CCDC68: variants seen among roughly 807,000 people sequenced by gnomAD.
CCDC68 encodes coiled-coil domain containing 68, also known as coiled-coil domain-containing protein 68.
CCDC68 carries 45 observed loss-of-function variants against 47.1 expected under a neutral mutation model. The ratio of observed to expected loss-of-function variants is 0.96; its 90% CI spans 0.75 to 1.23. The LOEUF (loss-of-function observed/expected upper bound fraction) is 1.23. Among genes scored for constraint, CCDC68 ranks in the 50% most tolerant of loss-of-function variants. The probability of loss-of-function intolerance (pLI) is 0.00; values close to 1 mark genes in which losing one functional copy is unlikely to be tolerated. For synonymous variants in CCDC68, 131 were observed against 129.5 expected (o/e 1.01, Z -0.08); for missense variants, 353 against 373.6 (o/e 0.94, Z 0.45).
chr18:54,954,011 C>T (rs2044668459), intron 1 of CCDC68, among the ~76,000 whole-genome samples: 1 of 123,608 alleles, frequency 8.1e-6, no homozygotes, highest in Non-Finnish European at 1.7e-5. Context: ...CCCTCCCCTC[C>T]CCTCGCCTTC....
At chr18:54,913,532 T>C (rs1267163197) in intron 10 of CCDC68, among the ~76,000 whole-genome samples, 1 of 152,206 alleles carries the variant, frequency 6.6e-6, no homozygotes, top group Non-Finnish European at 1.5e-5. Flanking sequence ...CTGAGTGAAG[T>C]GGTTCACACT....
chr18:54,926,821 G>T (rs536419820), intron 8 of CCDC68, among the ~76,000 whole-genome samples: 1 of 152,176 alleles, frequency 6.6e-6, no homozygotes, highest in Non-Finnish European at 1.5e-5. Context: ...ATTTCTGAGA[G>T]ATTGAGCAAT....
In CCDC68 at chr18:54,904,433, CGAT is replaced by C; in HGVS notation, c.951-21_951-19del. 6.2e-7 allele frequency: 1 copy of C among 1,603,768 alleles called. No homozygotes were observed. The highest frequency in any genetic ancestry group is 8.5e-7 in the Non-Finnish European group (1 of 1,170,942). The stretch of plus-strand genomic sequence containing the variant: ...TCAATTCACTGTAGAAAAGACAACA[CGAT>C]GATCAAAATGGAGAATGTTAAACTC... On this transcript the variant is annotated intron_variant, in intron 11 of 11. Transcript: ENST00000591504.
intron 1 of CCDC68, among the ~76,000 whole-genome samples, chr18:54,947,334 G>C (rs778372429): frequency 4.6e-5 from 7 of 152,202 alleles, no homozygotes; most frequent in Non-Finnish European, 1.0e-4. Context: ...GGAGGCAGAG[G>C]GCTGCTGAAT....
At chr18:54,951,190 G>C (rs2044614604) in intron 1 of CCDC68, among the ~76,000 whole-genome samples, 1 of 151,688 alleles carries the variant, frequency 6.6e-6, no homozygotes. Context: ...TTACAGGCGT[G>C]AGCCACCGCG....
At chr18:54,918,070 T>C (rs1324802027) in intron 9 of CCDC68, 74 bp from the exon 10 acceptor site, 14 of 663,838 alleles carry the variant, frequency 2.1e-5, no homozygotes, top group East Asian at 5.8e-5. Context: ...AGAAATTGTA[T>C]GGATTTCTGA....
chr18:54,956,341 C>T (rs2044713316), intron 1 of CCDC68, among the ~76,000 whole-genome samples: 1 of 152,124 alleles, frequency 6.6e-6, no homozygotes, highest in Admixed American at 6.5e-5. Flanking sequence ...CAGAAAACAC[C>T]ACTGCTTAAT....
At chr18:54,954,646 G>C (rs1475861608) in intron 1 of CCDC68, 1 of 152,128 alleles carries the variant, frequency 6.6e-6, no homozygotes, top group Non-Finnish European at 1.5e-5. Flanking sequence ...CCTGATCCCT[G>C]GAGTATATGA....
chr18:54,924,118 C>G (rs530819854), intron 8 of CCDC68, among the ~76,000 whole-genome samples: 1 of 152,096 alleles, frequency 6.6e-6, no homozygotes, highest in Non-Finnish European at 1.5e-5. Context: ...TCCAATGTCT[C>G]AACATAATTT....
chr18:54,925,189 T>A (rs1002753007), intron 8 of CCDC68, among the ~76,000 whole-genome samples: 4 of 152,212 alleles, frequency 2.6e-5, no homozygotes, highest in African/African-American at 7.2e-5. Context: ...AGTGATCCCC[T>A]GTGAGCAAGT....
At position 54,932,101 on chromosome 18, in the gene CCDC68, T is replaced by C. The variant is rs540688881; in HGVS notation, c.600+2719A>G. On this transcript the variant is annotated intron_variant, in intron 7 of 11. Transcript: ENST00000591504. The stretch of plus-strand genomic sequence containing the variant: ...CACAGCCTGTCTTCTCAGTCTCTCT[T>C]TAAACCAAGAAGTTGCCAAACTTCA... 1.8e-3 allele frequency among the ~76,000 whole-genome samples: 276 copies of C among 152,310 alleles called. 1 individual carries two copies. Among genetic ancestry groups the C allele is most frequent in the Non-Finnish European group, 3.5e-3 (238 of 68,020 alleles).
chr18:54,942,917 C>T (rs1429027833), intron 2 of CCDC68, 114 bp from the exon 3 acceptor site: 2 of 656,654 alleles, frequency 3.0e-6, no homozygotes, highest in African/African-American at 3.8e-5. Context: ...AGCAGAAAAG[C>T]TATAAATCAT....
chr18:54,904,473 G>C (rs1913868142), intron 11 of CCDC68, 58 bp from the exon 12 acceptor site: 1 of 1,337,476 alleles, frequency 7.5e-7, no homozygotes, highest in African/African-American at 1.4e-5. Context: ...AGTGATTATG[G>C]CTAGACTACC....
chr18:54,930,355 T>G (rs1359189275), intron 7 of CCDC68, among the ~76,000 whole-genome samples: 1 of 152,178 alleles, frequency 6.6e-6, no homozygotes, highest in Non-Finnish European at 1.5e-5. Flanking sequence ...TATATTGAAA[T>G]GTTGGGATAA....
At chr18:54,942,067 G>A (rs1404766021) in intron 3 of CCDC68, among the ~76,000 whole-genome samples, 1 of 152,088 alleles carries the variant, frequency 6.6e-6, no homozygotes, top group Non-Finnish European at 1.5e-5. Context: ...CAAAGTGCTG[G>A]GATTACAGGC....
intron 10 of CCDC68, among the ~76,000 whole-genome samples, chr18:54,916,381 T>A (rs1026880006): frequency 1.3e-5 from 2 of 152,166 alleles, no homozygotes; most frequent in Non-Finnish European, 2.9e-5. Context: ...ATTATGATTT[T>A]TTATCTTCTG....
chr18:54,945,007 G>T (rs1422039920), intron 2 of CCDC68, among the ~76,000 whole-genome samples: 1 of 152,148 alleles, frequency 6.6e-6, no homozygotes, highest in African/African-American at 2.4e-5. Context: ...TGATGTTAAA[G>T]AATTGTTGTA....
chr18:54,950,431 G>A (rs886839162), intron 1 of CCDC68, among the ~76,000 whole-genome samples: 17 of 150,652 alleles, frequency 1.1e-4, no homozygotes, highest in African/African-American at 4.2e-4. Context: ...AGTGTCAGCT[G>A]GCTAAATCTC....
At chr18:54,920,205 A>G (rs1161465168) in intron 8 of CCDC68, among the ~76,000 whole-genome samples, 1 of 149,748 alleles carries the variant, frequency 6.7e-6, no homozygotes, top group Non-Finnish European at 1.5e-5. Context: ...CTCTTATCCA[A>G]TGTCATCCCA....
Sources: allele counts gnomAD v4.1 joint callset (sites outside exome capture counted in the v4.1 genomes callset), GRCh38; gene constraint gnomAD v4.1.1; transcripts MANE v1.5; gene names NCBI Gene and HGNC (gene_info 2026-07-23, HGNC 2026-07-21).